NACC2: variants seen among roughly 807,000 people sequenced by gnomAD.
NACC2 encodes the protein nucleus accumbens-associated protein 2.
Under a neutral mutation model 25.1 loss-of-function variants are expected in NACC2, and 8 were observed. The ratio of observed to expected loss-of-function variants is 0.32; its 90% confidence interval spans 0.19 to 0.57. NACC2 has a LOEUF of 0.57. Among genes scored for constraint, NACC2 ranks in the 20% least tolerant of loss-of-function variants. The pLI, the probability that NACC2 is intolerant of heterozygous loss-of-function variation, is 0.89. For missense variants in NACC2, 644 were observed against 650.2 expected, an observed-to-expected ratio of 0.99 and a Z score of 0.10; for synonymous variants, 435 against 294.7, an observed-to-expected ratio of 1.48 and a Z score of -4.88.
At chr9:136,017,111 G>A (rs11103274) in intron 2 of NACC2, among the ~76,000 whole-genome samples, 35,321 of 152,066 alleles carry the variant, frequency 0.23, 4,794 homozygotes, top group Middle Eastern at 0.3. Flanking sequence ...AGCCAGGCTG[G>A]CCGACACGCC....
intron 2 of NACC2, among the ~76,000 whole-genome samples, chr9:136,017,875 A>G (rs1002540242): frequency 1.3e-5 from 2 of 152,178 alleles, no homozygotes; most frequent in African/African-American, 4.8e-5. Context: ...GAAGGCCCCA[A>G]GGCCCAGCCT....
rs1231581820 is a variant in NACC2 at position 136,013,400 on chromosome 9, C to A, written c.1158-104G>T. 5 of 1,037,974 alleles carry A rather than the reference C, an allele frequency of 4.8e-6. No individual in the cohort carries two copies. Among genetic ancestry groups the A allele is most frequent in the Non-Finnish European group, 7.2e-6 (5 of 695,562 alleles). The allele number at this position is 1,037,974 out of a possible 1,614,324, so 64.3% of individuals were successfully genotyped here. On this transcript the variant is annotated intron_variant, in intron 4 of 5. Transcript: ENST00000277554. This position sits in a 1 kb window ranked among gnomAD's most constrained non-coding sequence, Gnocchi z 6.6. ...CCTGCTGGGAGGCCACTTGGCCTCACCCTTGGCTGGTCTGCGTGTGTCCCA... is the reference window on the plus strand; with the variant it reads ...CCTGCTGGGAGGCCACTTGGCCTCAACCTTGGCTGGTCTGCGTGTGTCCCA...
Position 136,050,054 on chromosome 9 carries a change from C to CGCG in NACC2, c.465_467dup (p.Ala157dup), listed in dbSNP as rs1188637173. On this transcript the variant is annotated inframe_insertion, in exon 2 of 6. Transcript: ENST00000277554. ...CCGAGGGGGACACGACGTAGGGGGCCGCGGCGGCGGCGGCCGGCTGCAGCT... is the reference window on the plus strand; with the variant it reads ...CCGAGGGGGACACGACGTAGGGGGCCGCGGCGGCGGCGGCGGCCGGCTGCAGCT... 188 of 723,496 alleles carry CGCG rather than the reference C, an allele frequency of 2.6e-4. 1 individual carries two copies. The South Asian group carries it at 2.6e-3, about 10-fold the overall frequency. 44.8% of individuals were successfully genotyped at this position (723,496 alleles called of 1,614,324 possible).
At chr9:136,025,820 C>G (rs868571317) in intron 2 of NACC2, among the ~76,000 whole-genome samples, 3 of 152,006 alleles carry the variant, frequency 2.0e-5, no homozygotes, top group Non-Finnish European at 4.4e-5. Flanking sequence ...GAAGTGGAGG[C>G]AGGAGAATCG....
At chr9:136,067,551 C>T (rs532578037) in intron 1 of NACC2, among the ~76,000 whole-genome samples, 6 of 151,972 alleles carry the variant, frequency 3.9e-5, no homozygotes, top group Admixed American at 1.3e-4. Flanking sequence ...AAACGATGCT[C>T]GATGGGCCGG....
intron 2 of NACC2, among the ~76,000 whole-genome samples, chr9:136,044,554 G>A (rs1840690480): frequency 6.6e-6 from 1 of 152,122 alleles, no homozygotes; most frequent in Admixed American, 6.5e-5. Flanking sequence ...CAGAGATGAA[G>A]GCACCCTCTG....
Position 136,011,867 on chromosome 9 carries a change from G to A in NACC2, c.1413C>T (p.Gly471=). 2 of 1,566,366 alleles carry A rather than the reference G, an allele frequency of 1.3e-6. No homozygotes were observed. Among genetic ancestry groups the A allele is most frequent in the Non-Finnish European group, 1.7e-6 (2 of 1,159,708 alleles). The change falls in exon 6 of 6, where the codon GGC becomes GGT. Residue 471 remains glycine (G), a synonymous_variant. Coordinates refer to ENST00000277554, the MANE Select transcript of NACC2 (RefSeq NM_144653.5). ...EGVEMYRTVM[G]SAAASVPLDP... ...CGAGGGGCACGCTGGCGGCGGCGGA[G>A]CCCATGACCGTGCGGTACATCTCCA...
intron 1 of NACC2, among the ~76,000 whole-genome samples, chr9:136,069,737 G>A (rs1207293158): frequency 2.0e-5 from 3 of 151,816 alleles, no homozygotes; most frequent in Admixed American, 6.6e-5. Context: ...AGAGTAGGAC[G>A]TGACATAATA....
chr9:136,051,599 C>CGGCCGCAGAGGCGCCGGGT (rs1840838196), intron 1 of NACC2, among the ~76,000 whole-genome samples: 1 of 148,180 alleles, frequency 6.7e-6, no homozygotes, highest in Non-Finnish European at 1.5e-5. Context: ...AAAGTGCGGG[C>CGGCCGCAGAGGCGCCGGGT]GGCCGCAGAG....
chr9:136,012,124 GC>G (rs1459787968), intron 5 of NACC2, 100 bp from the exon 6 acceptor site: 1 of 1,391,634 alleles, frequency 7.2e-7, no homozygotes, highest in East Asian at 2.7e-5. Flanking sequence ...AGCCTCCCCG[GC>G]CGCTCCTGGG....
At chr9:136,033,938 TGTGA>T (rs1179724464) in intron 2 of NACC2, among the ~76,000 whole-genome samples, 16 of 131,960 alleles carry the variant, frequency 1.2e-4, no homozygotes, top group Non-Finnish European at 2.2e-4. Flanking sequence ...TGTGTGTGTG[TGTGA>T]GATATTTGGC....
rs1017254418 is a variant in NACC2 at position 136,006,707 on chromosome 9, T to C, written c.*4809A>G. Reference sequence around the variant, plus strand: ...CTTTTGAATGTTTCAGTTTTAGTTATTGATACAATGTCAGCCATGGCTAAA... The same window carrying C: ...CTTTTGAATGTTTCAGTTTTAGTTACTGATACAATGTCAGCCATGGCTAAA... On this transcript the variant is annotated 3_prime_UTR_variant, in exon 6 of 6. Transcript: ENST00000277554. 10 of 152,216 alleles carry C rather than the reference T, an allele frequency of 6.6e-5. No individual in the cohort carries two copies. The highest frequency in any genetic ancestry group is 6.2e-4 in the South Asian group (3 of 4,836). 9.4% of individuals were successfully genotyped at this position (152,216 alleles called of 1,614,324 possible).
chr9:136,031,640 C>T (rs1348803534), intron 2 of NACC2, among the ~76,000 whole-genome samples: 5 of 152,092 alleles, frequency 3.3e-5, no homozygotes, highest in African/African-American at 4.8e-5. Flanking sequence ...GCCCGGCCCA[C>T]GGCCCCATTT....
intron 1 of NACC2, among the ~76,000 whole-genome samples, chr9:136,052,864 T>C (rs1180780460): frequency 3.3e-5 from 5 of 152,348 alleles, no homozygotes; most frequent in African/African-American, 9.6e-5. Flanking sequence ...GCTGCTGCTG[T>C]GCAGGACTTG....
intron 1 of NACC2, among the ~76,000 whole-genome samples, chr9:136,076,533 T>C (rs924768421): frequency 2.0e-5 from 3 of 152,136 alleles, no homozygotes; most frequent in African/African-American, 7.2e-5. Context: ...TTCCAGGGGC[T>C]GGGGGACTGC....
At position 136,011,881 on chromosome 9, in the gene NACC2, G is replaced by C; in HGVS notation, c.1399C>G (p.Arg467Gly). ...SMLPEGVEMY[R>G]TVMGSAAASV... ...GCGGCGGCGGAGCCCATGACCGTGCGGTACATCTCCACGCCCTCCGGCAGC... is the reference window on the plus strand; with the variant it reads ...GCGGCGGCGGAGCCCATGACCGTGCCGTACATCTCCACGCCCTCCGGCAGC... The change falls in exon 6 of 6, where the codon CGC (arginine) becomes GGC (glycine). Residue 467 changes from arginine to glycine, a missense_variant. Coordinates refer to ENST00000277554, the MANE Select transcript of NACC2 (RefSeq NM_144653.5). The C allele has an allele frequency of 1.9e-6, 3 of 1,572,142 alleles. No homozygotes were observed. The highest frequency in any genetic ancestry group is 2.6e-6 in the Non-Finnish European group (3 of 1,162,632).
At chr9:136,090,875 C>T (rs1416155072) in intron 1 of NACC2, among the ~76,000 whole-genome samples, 2 of 151,696 alleles carry the variant, frequency 1.3e-5, no homozygotes, top group South Asian at 2.1e-4. Context: ...ATGGCTTTGC[C>T]GTTCACCCCA....
rs1007612133 is a variant in NACC2 at position 136,012,825 on chromosome 9, G to C, written c.1255+374C>G. Among the ~76,000 whole-genome samples, 5 of 152,352 alleles carry C rather than the reference G, an allele frequency of 3.3e-5. No homozygotes were observed. The South Asian group carries it at 6.2e-4, about 19-fold the overall frequency. ...CGGCGGTCTGCCCTGGAGATGGACCGGGCTCCGCCCCCACACGCCCAAGAG... is the reference window on the plus strand; with the variant it reads ...CGGCGGTCTGCCCTGGAGATGGACCCGGCTCCGCCCCCACACGCCCAAGAG... On this transcript the variant is annotated intron_variant, in intron 5 of 5. Transcript: ENST00000277554.
At position 136,049,878 on chromosome 9, in the gene NACC2, G is replaced by A. The variant is rs1458122399; in HGVS notation, c.644C>T (p.Pro215Leu). The change falls in exon 2 of 6, where the codon CCT becomes CTT. Residue 215 changes from proline (P) to leucine (L), a missense_variant. Transcript: ENST00000277554. ...GTAGGAGACACGGGGCAGTTTGAGA[G>A]GGGCTGTGCCCGCCGCCACCGCAGC... ...AGAAVAAGTA[P>L]LKLPRVSYYG... 6 of 616,060 alleles carry A rather than the reference G, an allele frequency of 9.7e-6. No individual in the cohort carries two copies. In the East Asian group the frequency reaches 1.2e-4, roughly 12 times the overall value. 38.2% of individuals were successfully genotyped at this position (616,060 alleles called of 1,614,324 possible).
Sources: gnomAD v4.1 joint callset for allele counts (sites outside exome capture counted in the v4.1 genomes callset) on GRCh38, gnomAD v4.1.1 for gene constraint, Gnocchi (gnomAD v3.1) non-coding constraint, MANE v1.5 for transcripts, NCBI Gene and HGNC (gene_info 2026-07-23, HGNC 2026-07-21) for gene names.